SPIDR: variants seen among roughly 807,000 people sequenced by gnomAD.
SPIDR encodes the protein DNA repair-scaffolding protein.
Under a neutral mutation model 104.6 loss-of-function variants are expected in SPIDR, and 93 were observed. That is an observed-to-expected ratio of 0.89 (90% CI 0.75 to 1.06). The LOEUF is 1.06. Ranked by LOEUF, SPIDR falls within the 50% of genes least tolerant of loss-of-function variation. The pLI is 0.00. For synonymous variants in SPIDR, 431 were observed against 416.9 expected (o/e 1.03, Z -0.41); for missense variants, 1,154 against 1,111.2 (o/e 1.04, Z -0.55).
intron 3 of SPIDR, among the ~76,000 whole-genome samples, chr8:47,288,770 G>T (rs1326161589): frequency 6.6e-6 from 1 of 152,132 alleles, no homozygotes; most frequent in East Asian, 1.9e-4. Context: ...AGATGTTTGT[G>T]GCACAAAGTA....
At chr8:47,419,403 C>T (rs1486793840) in intron 7 of SPIDR, 3 of 152,282 alleles carry the variant, frequency 2.0e-5, no homozygotes, top group African/African-American at 2.4e-5. Context: ...AGTTTATTTG[C>T]GTAGAGGTGT....
chr8:47,327,229 G>A (rs2047809879), intron 5 of SPIDR, among the ~76,000 whole-genome samples: 1 of 152,020 alleles, frequency 6.6e-6, no homozygotes, highest in Non-Finnish European at 1.5e-5. Context: ...GTGGTGGTTG[G>A]TGATCTGAAT....
intron 5 of SPIDR, among the ~76,000 whole-genome samples, chr8:47,315,245 C>G (rs1408328938): frequency 1.3e-5 from 2 of 151,972 alleles, no homozygotes; most frequent in Non-Finnish European, 2.9e-5. Flanking sequence ...ATATCATGGG[C>G]AACTAAAATA....
At chr8:47,439,215 G>C (rs1219334146) in intron 7 of SPIDR, among the ~76,000 whole-genome samples, 4 of 152,132 alleles carry the variant, frequency 2.6e-5, no homozygotes, top group African/African-American at 9.6e-5. Context: ...GAAACCCTCT[G>C]GGTTCCCCTC....
At chr8:47,394,915 A>G (rs1391969409) in intron 5 of SPIDR, among the ~76,000 whole-genome samples, 3 of 152,184 alleles carry the variant, frequency 2.0e-5, no homozygotes, top group Admixed American at 2.0e-4. Context: ...AATGGTGAGG[A>G]CAGTAGAACT....
rs2071195980 is a variant in SPIDR, at chr8:47,448,972, G to A, written c.1097+8430G>A. On this transcript the variant is annotated intron_variant, in intron 8 of 19. Transcript: ENST00000297423. ...ACCTCCCTGTGTGCAGTGTTAACAA[G>A]CTGAGATTTACAGGAGAGACATTAT... is the stretch of plus-strand genomic sequence containing the variant. Among the ~76,000 whole-genome samples the A allele has an allele frequency of 2.6e-5, 4 of 152,114 alleles. No individual in the cohort carries two copies. The South Asian group carries it at 8.3e-4, about 32-fold the overall frequency.
chr8:47,422,450 C>T (rs894121613), intron 7 of SPIDR, among the ~76,000 whole-genome samples: 2 of 152,224 alleles, frequency 1.3e-5, no homozygotes, highest in African/African-American at 4.8e-5. Flanking sequence ...TTGCTAAGAC[C>T]ATTGGAAAAG....
intron 5 of SPIDR, among the ~76,000 whole-genome samples, chr8:47,298,290 C>T (rs1188489260): frequency 3.0e-4 from 46 of 152,278 alleles, no homozygotes; most frequent in African/African-American, 1.1e-3. Context: ...CCTTTGCCCA[C>T]TTTTTGATGG....
At chr8:47,261,253 A>T (rs556811533) in intron 1 of SPIDR, among the ~76,000 whole-genome samples, 38 of 152,288 alleles carry the variant, frequency 2.5e-4, no homozygotes, top group African/African-American at 9.1e-4. Flanking sequence ...CCGCCGAGGG[A>T]CGCAGCGGGC....
At chr8:47,412,609 C>G (rs1554672590) in intron 7 of SPIDR, among the ~76,000 whole-genome samples, 1 of 152,204 alleles carries the variant, frequency 6.6e-6, no homozygotes, top group Non-Finnish European at 1.5e-5. Flanking sequence ...AACACACTAC[C>G]ATCCATATCC....
Position 47,291,153 on chromosome 8 carries a change from C to G in SPIDR, c.361+16C>G. ...TTACAGAGAGGTAATGGACATTGCT[C>G]TAGAATAGACAGATTTTGTAACAGG... On this transcript the variant is annotated intron_variant, in intron 4 of 19. Coordinates refer to ENST00000297423, the MANE Select transcript of SPIDR (RefSeq NM_001080394.4). 6.5e-7 allele frequency: 1 copy of G among 1,527,700 alleles called. No homozygotes were observed. The allele number at this position is 1,527,700 out of a possible 1,614,324, so 94.6% of individuals were successfully genotyped here. A position where few individuals can be genotyped will look rare whatever the true frequency, so the allele number is the denominator to read the frequency against.
intron 11 of SPIDR, among the ~76,000 whole-genome samples, chr8:47,683,222 A>C (rs2077314856): frequency 6.6e-6 from 1 of 152,248 alleles, no homozygotes; most frequent in African/African-American, 2.4e-5. Context: ...TGTCAATTAG[A>C]TAAAAGTTCT....
intron 1 of SPIDR, among the ~76,000 whole-genome samples, chr8:47,268,790 C>T (rs1405284206): frequency 6.6e-6 from 1 of 152,056 alleles, no homozygotes; most frequent in African/African-American, 2.4e-5. Flanking sequence ...GAGATTGTAT[C>T]CTGCAACTTT....
intron 8 of SPIDR, among the ~76,000 whole-genome samples, chr8:47,510,835 T>C (rs2082205518): frequency 6.6e-6 from 1 of 152,226 alleles, no homozygotes; most frequent in Non-Finnish European, 1.5e-5. Context: ...TTAAAGTCCA[T>C]TGATCATCAC....
chr8:47,320,591 AT>A (rs1442171428), intron 5 of SPIDR, among the ~76,000 whole-genome samples: 1 of 152,228 alleles, frequency 6.6e-6, no homozygotes, highest in Non-Finnish European at 1.5e-5. Context: ...TCCCTAACTC[AT>A]TTTATGAGGC....
At chr8:47,588,368 A>G (rs2060561177) in intron 8 of SPIDR, among the ~76,000 whole-genome samples, 1 of 138,100 alleles carries the variant, frequency 7.2e-6, no homozygotes, top group South Asian at 2.3e-4. Flanking sequence ...TGTTTTTCCC[A>G]TTTTGGTGTC....
In SPIDR at chr8:47,476,003, TG is replaced by T. The variant is rs535188869; in HGVS notation, c.1097+35462del. Among the ~76,000 whole-genome samples, 200 of 152,340 alleles carry T rather than the reference TG, an allele frequency of 1.3e-3. 1 individual carries two copies. The highest frequency in any genetic ancestry group is 1.9e-3 in the Non-Finnish European group (130 of 68,030). Reference sequence around the variant, plus strand: ...AATACAGTTGTTAGATTTACCTCTTTGAGGTTTTTCTTACAGAAATTGTTTC... The same window carrying T: ...AATACAGTTGTTAGATTTACCTCTTTAGGTTTTTCTTACAGAAATTGTTTC... On this transcript the variant is annotated intron_variant, in intron 8 of 19. Transcript: ENST00000297423.
chr8:47,339,793 C>A (rs1554612542), intron 5 of SPIDR, among the ~76,000 whole-genome samples: 1 of 151,148 alleles, frequency 6.6e-6, no homozygotes, highest in Non-Finnish European at 1.5e-5. Flanking sequence ...AAGTCTCCTG[C>A]CTCAGCCTCC....
intron 5 of SPIDR, among the ~76,000 whole-genome samples, chr8:47,324,678 G>T (rs1554599258): frequency 1.3e-5 from 2 of 152,154 alleles, no homozygotes; most frequent in African/African-American, 4.8e-5. Flanking sequence ...TTCCCTTAAA[G>T]GGGCTCTTTG....
Sources: gnomAD v4.1 joint callset for allele counts (sites outside exome capture counted in the v4.1 genomes callset) on GRCh38, gnomAD v4.1.1 for gene constraint, MANE v1.5 for transcripts, NCBI Gene and HGNC (gene_info 2026-07-23, HGNC 2026-07-21) for gene names.